The following ABCA13 variants were observed in gnomAD, a reference collection of about 807,000 sequenced individuals.
ABCA13 encodes the protein ATP-binding cassette sub-family A member 13.
Under a neutral mutation model 478.7 loss-of-function variants are expected in ABCA13, and 476 were observed. The ratio of observed to expected loss-of-function variants is 0.99; its 90% CI spans 0.92 to 1.07. The LOEUF (loss-of-function observed/expected upper bound fraction) is 1.07, where lower values mean the gene tolerates loss of function less well. Among genes scored for constraint, ABCA13 ranks in the 50% least tolerant of loss-of-function variants. The probability of loss-of-function intolerance (pLI) is 0.00; values close to 1 mark genes in which losing one functional copy is unlikely to be tolerated. For synonymous variants in ABCA13, 2,252 were observed against 2,158.9 expected, an observed-to-expected ratio of 1.04 and a Z score of -1.20; for missense variants, 6,060 against 5,910.6, an observed-to-expected ratio of 1.03 and a Z score of -0.83.
intron 44 of ABCA13, among the ~76,000 whole-genome samples, chr7:48,467,991 T>A (rs1827066237): frequency 6.6e-6 from 1 of 152,214 alleles, no homozygotes; most frequent in Non-Finnish European, 1.5e-5. Context: ...TGGTAATGTT[T>A]CTATTTTTCT....
intron 3 of ABCA13, among the ~76,000 whole-genome samples, chr7:48,204,328 A>G (rs34950764): frequency 0.21 from 30,766 of 149,964 alleles, 3,368 homozygotes; most frequent in Middle Eastern, 0.26. Context: ...TCCTGCCTCA[A>G]CCTCCTGAGT....
chr7:48,201,046 C>T (rs1402648235), intron 3 of ABCA13, among the ~76,000 whole-genome samples: 1 of 152,146 alleles, frequency 6.6e-6, no homozygotes, highest in Non-Finnish European at 1.5e-5. Context: ...GCTCGCTCAC[C>T]GCGCAGAGCT....
At chr7:48,249,668 G>T (rs552932868) in intron 15 of ABCA13, among the ~76,000 whole-genome samples, 45 of 152,260 alleles carry the variant, frequency 3.0e-4, no homozygotes, top group South Asian at 2.1e-3. Flanking sequence ...ACTCACAAGA[G>T]TCCAGATTTT....
intron 45 of ABCA13, among the ~76,000 whole-genome samples, chr7:48,475,477 T>C (rs1414886990): frequency 6.9e-6 from 1 of 145,552 alleles, no homozygotes; most frequent in Non-Finnish European, 1.5e-5. Flanking sequence ...TTTTTTTTTT[T>C]TTTTTTGAGA....
rs553161293 is a variant in ABCA13 at position 48,520,703 on chromosome 7, TC to T, written c.14051+411del. 3.0e-3 allele frequency among the ~76,000 whole-genome samples: 463 copies of T among 152,256 alleles called. 3 individuals are homozygous for T. Among genetic ancestry groups the T allele is most frequent in the African/African-American group, 0.011 (437 of 41,550 alleles). On this transcript the variant is annotated intron_variant, in intron 53 of 61. Coordinates refer to ENST00000435803, the MANE Select transcript of ABCA13 (RefSeq NM_152701.5). ...ATCTCTGAATGCTATCCCTCCCCTC[TC>T]CAACCACCCCACAACAGGCCCCGGT... is the stretch of plus-strand genomic sequence containing the variant.
intron 1 of ABCA13, among the ~76,000 whole-genome samples, chr7:48,182,243 C>T (rs945557992): frequency 8.5e-5 from 13 of 152,164 alleles, no homozygotes; most frequent in African/African-American, 2.4e-5. Context: ...AATGCTCTAT[C>T]GATACCCTAA....
chr7:48,582,831 C>T (rs7793785), intron 56 of ABCA13, among the ~76,000 whole-genome samples: 152,244 of 152,312 alleles, frequency 1, 76,088 homozygotes, highest in Middle Eastern at 1. Flanking sequence ...ACAATGATTT[C>T]CAAATTTCCC....
At position 48,506,348 on chromosome 7, in the gene ABCA13, A is replaced by G; in HGVS notation, c.13304A>G (p.Tyr4435Cys). 1.9e-6 allele frequency: 3 copies of G among 1,613,874 alleles called. No individual in the cohort carries two copies. The highest frequency in any genetic ancestry group is 2.2e-5 in the East Asian group (1 of 44,862). Reference protein sequence around the residue: ...VDWRQYGITLYSHPYGGALLN... With the variant: ...VDWRQYGITLCSHPYGGALLN... ...TTGTCTTTCACAGGAATAACACTCT[A>G]CAGCCACCCATATGGAGGGGCCTTG... Residue 4435 changes from tyrosine to cysteine, a missense_variant, in exon 49 of 62, where the codon TAC becomes TGC. Physicochemically the swap from Tyr to Cys is radical, Grantham distance 194. Coordinates refer to ENST00000435803, the MANE Select transcript of ABCA13 (RefSeq NM_152701.5).
At chr7:48,302,089 C>G (rs1488075685) in intron 23 of ABCA13, among the ~76,000 whole-genome samples, 1 of 152,168 alleles carries the variant, frequency 6.6e-6, no homozygotes, top group Non-Finnish European at 1.5e-5. Flanking sequence ...GTGGAAGTCA[C>G]AGCTGGGAGA....
intron 58 of ABCA13, among the ~76,000 whole-genome samples, chr7:48,614,933 C>T (rs1279294923): frequency 1.4e-5 from 2 of 148,042 alleles, no homozygotes; most frequent in African/African-American, 4.9e-5. Flanking sequence ...ATACCTAATG[C>T]TAAGTGACGA....
intron 42 of ABCA13, among the ~76,000 whole-genome samples, chr7:48,444,178 A>G (rs1217969913): frequency 6.6e-6 from 1 of 152,134 alleles, no homozygotes; most frequent in African/African-American, 2.4e-5. Context: ...ATACATGCTC[A>G]TGGCTCTTCT....
intron 3 of ABCA13, among the ~76,000 whole-genome samples, chr7:48,202,822 C>T (rs1418280591): frequency 7.9e-5 from 12 of 152,068 alleles, no homozygotes; most frequent in Non-Finnish European, 1.8e-4. Flanking sequence ...CAAGGCCCCA[C>T]CAGACTCAGG....
intron 58 of ABCA13, among the ~76,000 whole-genome samples, chr7:48,595,500 C>T (rs1027523755): frequency 7.2e-5 from 11 of 152,160 alleles, no homozygotes; most frequent in African/African-American, 2.7e-4. Context: ...AAAGATCTCA[C>T]ATTTTGCCCT....
intron 57 of ABCA13, among the ~76,000 whole-genome samples, chr7:48,588,328 A>G (rs1789398142): frequency 1.3e-5 from 2 of 152,336 alleles, no homozygotes; most frequent in African/African-American, 4.8e-5. Flanking sequence ...ATGAGGCAGG[A>G]TTATGTTGAG....
chr7:48,179,000 T>C (rs1466825116), intron 1 of ABCA13, among the ~76,000 whole-genome samples: 1 of 147,812 alleles, frequency 6.8e-6, no homozygotes, highest in Non-Finnish European at 1.5e-5. Flanking sequence ...ATAATAATAA[T>C]AATAATAATA....
chr7:48,318,547 C>A (rs1334943503), intron 27 of ABCA13, among the ~76,000 whole-genome samples: 9 of 146,158 alleles, frequency 6.2e-5, no homozygotes, highest in Non-Finnish European at 1.0e-4. Context: ...GTCTTGTCTA[C>A]TTCCTAAAAA....
chr7:48,248,566 A>C (rs1289563036), intron 14 of ABCA13, 122 bp downstream of exon 14: 3 of 850,600 alleles, frequency 3.5e-6, no homozygotes, highest in Non-Finnish European at 5.1e-6. Flanking sequence ...AAGAGGTTCA[A>C]TTTATTTTAA....
chr7:48,319,836 T>C lies in ABCA13; in HGVS notation c.9999+2540T>C, dbSNP rs530471345. Among the ~76,000 whole-genome samples, 7 of 152,298 alleles carry C rather than the reference T, an allele frequency of 4.6e-5. No individual in the cohort carries two copies. The South Asian group carries it at 1.2e-3, about 27-fold the overall frequency. On this transcript the variant is annotated intron_variant, in intron 27 of 61. Transcript: ENST00000435803. ...CTCCTCTATCTGTGAAATGAAAGAC[T>C]TGAGTAGATCCGTGATTTTCAGTCA...
intron 41 of ABCA13, among the ~76,000 whole-genome samples, chr7:48,421,829 A>G (rs1168898129): frequency 6.6e-6 from 1 of 152,140 alleles, no homozygotes; most frequent in Non-Finnish European, 1.5e-5. Flanking sequence ...CACAGCATTC[A>G]TTTAGTGTTT....
Sources: allele counts gnomAD v4.1 joint callset (sites outside exome capture counted in the v4.1 genomes callset), GRCh38; gene constraint gnomAD v4.1.1; transcripts MANE v1.5; gene names NCBI Gene and HGNC (gene_info 2026-07-23, HGNC 2026-07-21).